The following SPATA6L variants were observed in gnomAD, a reference collection of about 807,000 sequenced individuals.
SPATA6L encodes the protein spermatogenesis associated 6-like protein.
A neutral mutation model predicts 49.2 loss-of-function variants in SPATA6L; 68 were observed. The observed-to-expected ratio is 1.38, with a 90% CI of 1.14 to 1.69. The LOEUF (loss-of-function observed/expected upper bound fraction) is 1.69, where lower values mean the gene tolerates loss of function less well. SPATA6L is among the 40% of genes most tolerant of loss of function. The pLI, the probability that SPATA6L is intolerant of heterozygous loss-of-function variation, is 0.00. For synonymous variants in SPATA6L, 198 were observed against 165.7 expected, an observed-to-expected ratio of 1.19 and a Z score of -1.50; for missense variants, 668 against 464.3, an observed-to-expected ratio of 1.44 and a Z score of -4.03.
At chr9:4,594,732 A>G (rs990753386), downstream of SPATA6L, among the ~76,000 whole-genome samples, 1 of 152,322 alleles carries the variant, frequency 6.6e-6, no homozygotes, top group South Asian at 2.1e-4. Context: ...GCCTCTGTCC[A>G]GACATGAATC....
intron 3 of SPATA6L, among the ~76,000 whole-genome samples, chr9:4,649,324 T>C (rs1836272397): frequency 6.6e-6 from 1 of 152,260 alleles, no homozygotes; most frequent in Admixed American, 6.5e-5. Flanking sequence ...ACAGTGGTTG[T>C]ACTAGTTTAC....
intron 6 of SPATA6L, among the ~76,000 whole-genome samples, chr9:4,622,787 G>A (rs1829624489): frequency 6.6e-6 from 1 of 152,190 alleles, no homozygotes; most frequent in Admixed American, 6.5e-5. Flanking sequence ...CAACTGGTAA[G>A]GATCCCGCAC....
intron 1 of SPATA6L, among the ~76,000 whole-genome samples, chr9:4,665,919 A>G (rs923852666): frequency 6.6e-6 from 1 of 152,106 alleles, no homozygotes; most frequent in African/African-American, 2.4e-5. Context: ...AATAAATTCT[A>G]CCTGGACTTA....
At chr9:4,653,432 G>C (rs1319643547) in intron 3 of SPATA6L, among the ~76,000 whole-genome samples, 1 of 152,182 alleles carries the variant, frequency 6.6e-6, no homozygotes, top group East Asian at 1.9e-4. Context: ...AAGTCTTCAT[G>C]ACCTTGAGTT....
chr9:4,604,218 G>C lies in SPATA6L; in HGVS notation c.1141C>G (p.Leu381Val), dbSNP rs770123232. 16 of 1,612,320 alleles carry C rather than the reference G, an allele frequency of 9.9e-6. No individual in the cohort carries two copies. The highest frequency in any genetic ancestry group is 1.4e-5 in the Non-Finnish European group (16 of 1,178,978). ...NYIIERPSYP[L>V]KKYSLHEQRY... ...TGTTCATGCAGTGAGTATTTCTTCA[G>C]AGGGTAGCTTGGTCTTTCAATGATA... Residue 381 changes from leucine (L) to valine (V), a missense_variant, in exon 11 of 12, where the codon CTG (leucine) becomes GTG (valine). Leu to Val is a conservative substitution (Grantham distance 32). Coordinates refer to ENST00000682582, the MANE Select transcript of SPATA6L (RefSeq NM_001353486.2).
Position 4,605,410 on chromosome 9 carries a change from C to A in SPATA6L, c.1026G>T (p.Lys342Asn). Residue 342 changes from lysine (K) to asparagine (N), a missense_variant, in exon 10 of 12, where the codon AAG becomes AAT. By Grantham distance (94) the Lys-to-Asn change is moderately conservative. Coordinates refer to ENST00000682582, the MANE Select transcript of SPATA6L (RefSeq NM_001353486.2). ...GACTGCATACCCTCTCATGGATATT[C>A]TTCCATGTGGACTGAGAACCAGGAT... ...RFHPGSQSTW[K>N]NIHERVCSLL... The A allele has an allele frequency of 6.2e-7, 1 of 1,613,964 alleles. No homozygotes were observed. The highest frequency in any genetic ancestry group is 8.5e-7 in the Non-Finnish European group (1 of 1,179,860).
chr9:4,596,081 G>T (rs1037767047), downstream of SPATA6L, among the ~76,000 whole-genome samples: 1 of 152,180 alleles, frequency 6.6e-6, no homozygotes, highest in Non-Finnish European at 1.5e-5. Flanking sequence ...TGGTCCTAAA[G>T]ACATCCGAGT....
chr9:4,630,110 T>C (rs1371053986), intron 4 of SPATA6L, among the ~76,000 whole-genome samples: 1 of 151,746 alleles, frequency 6.6e-6, no homozygotes, highest in African/African-American at 2.4e-5. Flanking sequence ...AACAAAACTA[T>C]GGTGATAGAG....
At chr9:4,604,330 C>A in intron 10 of SPATA6L, 61 bp from the exon 11 acceptor site, 1 of 1,127,438 alleles carries the variant, frequency 8.9e-7, no homozygotes, top group South Asian at 1.3e-5. Flanking sequence ...TGGATGATAC[C>A]CAGATGTGTA....
rs1189679739 is a variant in SPATA6L, at chr9:4,625,543, C to A, written c.453G>T (p.Arg151Ser). ...RFLEERHESR[R>S]PLSTSHEPIF... Reference sequence around the variant, plus strand: ...TTGGTTCATGTGATGTAGATAAAGGCCTCCGTGACTCATGTCTTTCTTCCT... The same window carrying A: ...TTGGTTCATGTGATGTAGATAAAGGACTCCGTGACTCATGTCTTTCTTCCT... The change falls in exon 6 of 12, where the codon AGG becomes AGT. Residue 151 changes from arginine to serine, a missense_variant. Transcript: ENST00000682582. The A allele has an allele frequency of 6.4e-7, 1 of 1,565,782 alleles. No individual in the cohort carries two copies. Among genetic ancestry groups the A allele is most frequent in the African/African-American group, 1.4e-5 (1 of 72,972 alleles).
intron 3 of SPATA6L, among the ~76,000 whole-genome samples, chr9:4,639,160 C>T (rs1166065768): frequency 1.3e-5 from 2 of 152,146 alleles, no homozygotes; most frequent in Admixed American, 1.3e-4. Flanking sequence ...CTACCATTAC[C>T]ACGATTGCTC....
At chr9:4,642,888 G>C (rs1834345406) in intron 3 of SPATA6L, among the ~76,000 whole-genome samples, 1 of 151,782 alleles carries the variant, frequency 6.6e-6, no homozygotes, top group Non-Finnish European at 1.5e-5. Context: ...TTATACAGAA[G>C]GAAAGAAAGA....
chr9:4,648,417 T>C (rs377349451), intron 3 of SPATA6L, among the ~76,000 whole-genome samples: 10 of 152,240 alleles, frequency 6.6e-5, no homozygotes, highest in Admixed American at 5.2e-4. Context: ...TATAAGTTCT[T>C]GGCTGGGCAC....
chr9:4,650,414 C>T (rs912835521), intron 3 of SPATA6L, among the ~76,000 whole-genome samples: 1 of 152,014 alleles, frequency 6.6e-6, no homozygotes, highest in Admixed American at 6.5e-5. Flanking sequence ...ACTGGGAACA[C>T]AAAAGGGCAA....
intron 3 of SPATA6L, among the ~76,000 whole-genome samples, chr9:4,642,976 G>A (rs564782096): frequency 3.3e-5 from 5 of 152,112 alleles, no homozygotes; most frequent in African/African-American, 1.2e-4. Context: ...ATCTAAAAGG[G>A]AGATAGATCA....
chr9:4,657,277 T>A (rs1483360253), intron 2 of SPATA6L, among the ~76,000 whole-genome samples: 1 of 152,162 alleles, frequency 6.6e-6, no homozygotes, highest in Non-Finnish European at 1.5e-5. Context: ...CAAGCAAATG[T>A]GGGTAAGTGG....
intron 4 of SPATA6L, among the ~76,000 whole-genome samples, chr9:4,633,965 A>G (rs1832218449): frequency 6.6e-6 from 1 of 152,360 alleles, no homozygotes; most frequent in South Asian, 2.1e-4. Flanking sequence ...GTTTCCACAC[A>G]TTTAAAAAAC....
At chr9:4,648,593 G>A (rs1026217988) in intron 3 of SPATA6L, among the ~76,000 whole-genome samples, 2 of 151,810 alleles carry the variant, frequency 1.3e-5, no homozygotes, top group African/African-American at 4.8e-5. Context: ...CCAGCTACGC[G>A]GGAGGCTGAG....
At chr9:4,627,990 A>G in intron 5 of SPATA6L, 1 of 374,098 alleles carries the variant, frequency 2.7e-6, no homozygotes, top group Non-Finnish European at 5.1e-6. Context: ...AAGTGAAATA[A>G]GCCAGGCACA....
Sources: allele counts gnomAD v4.1 joint callset (sites outside exome capture counted in the v4.1 genomes callset), GRCh38; gene constraint gnomAD v4.1.1; transcripts MANE v1.5; gene names NCBI Gene and HGNC (gene_info 2026-07-23, HGNC 2026-07-21).